Variants in SCAPER observed in about 807,000 individuals in gnomAD.
The protein encoded by SCAPER is S phase cyclin A-associated protein in the endoplasmic reticulum.
In SCAPER, 98 loss-of-function variants were observed where a neutral mutation model predicts 182.2. That is an observed-to-expected ratio of 0.54 (90% confidence interval 0.46 to 0.64). SCAPER has a LOEUF of 0.64. Ranked by LOEUF, SCAPER falls within the 30% of genes least tolerant of loss-of-function variation. The pLI is 0.00. For synonymous variants in SCAPER, 605 were observed against 564.6 expected (o/e 1.07, Z -1.01); for missense variants, 1,432 against 1,690.0 (o/e 0.85, Z 2.68).
At chr15:76,831,836 G>A (rs889850684) in intron 5 of SCAPER, among the ~76,000 whole-genome samples, 6 of 152,050 alleles carry the variant, frequency 3.9e-5, no homozygotes, top group Non-Finnish European at 8.8e-5. Flanking sequence ...CCTAGTTCCA[G>A]CCCCCCAGGG....
chr15:76,494,105 TG>T (rs2040266322), intron 24 of SCAPER, among the ~76,000 whole-genome samples: 1 of 152,208 alleles, frequency 6.6e-6, no homozygotes, highest in East Asian at 1.9e-4. Context: ...TAGTGCTTAC[TG>T]GGGGTCTATG....
chr15:76,420,256 T>TTA (rs1555429311), intron 26 of SCAPER, among the ~76,000 whole-genome samples: 9 of 140,558 alleles, frequency 6.4e-5, no homozygotes, highest in African/African-American at 2.6e-4. Context: ...TTTTTTTTTT[T>TTA]ATAGAGATGG....
At chr15:76,896,918 C>T (rs991366688) in intron 1 of SCAPER, among the ~76,000 whole-genome samples, 5 of 152,028 alleles carry the variant, frequency 3.3e-5, no homozygotes, top group African/African-American at 1.2e-4. Context: ...TGCACTCCAG[C>T]CTGGGTGACA....
intron 25 of SCAPER, among the ~76,000 whole-genome samples, chr15:76,455,238 T>C (rs1437350030): frequency 6.6e-6 from 1 of 152,200 alleles, no homozygotes; most frequent in Non-Finnish European, 1.5e-5. Context: ...AGTTGACAAA[T>C]AAAAATTGTA....
At chr15:76,809,961 C>A (rs554526073) in intron 5 of SCAPER, among the ~76,000 whole-genome samples, 113 of 152,160 alleles carry the variant, frequency 7.4e-4, no homozygotes, top group Non-Finnish European at 1.4e-3. Flanking sequence ...ATTCAAAGTA[C>A]TGAACGAAAA....
At chr15:76,784,744 C>G (rs12594460) in intron 8 of SCAPER, among the ~76,000 whole-genome samples, 57,974 of 151,970 alleles carry the variant, frequency 0.38, 13,059 homozygotes, top group Middle Eastern at 0.53. Context: ...CATCTACAAC[C>G]ATCTGACCTT....
At chr15:76,520,478 A>G (rs753302739) in intron 23 of SCAPER, among the ~76,000 whole-genome samples, 1 of 152,140 alleles carries the variant, frequency 6.6e-6, no homozygotes, top group South Asian at 2.1e-4. Context: ...TTGACCTCCC[A>G]AAGTCCTGGG....
chr15:76,476,595 ATTTTTTTTTTTTTTTT>A (rs5813839), intron 24 of SCAPER, among the ~76,000 whole-genome samples: 3 of 73,498 alleles, frequency 4.1e-5, no homozygotes, highest in Non-Finnish European at 7.1e-5. Context: ...CACCCAGCTA[ATTTTTTTTTTTTTTTT>A]TTTTTTTTTT....
chr15:76,900,102 G>A (rs1301623434), intron 1 of SCAPER, among the ~76,000 whole-genome samples: 6 of 152,138 alleles, frequency 3.9e-5, no homozygotes, highest in Non-Finnish European at 7.4e-5. Flanking sequence ...ATTAAGGGCG[G>A]CGCAAGATGT....
chr15:76,366,743 A>G (rs1010991848), intron 29 of SCAPER, among the ~76,000 whole-genome samples: 1 of 152,154 alleles, frequency 6.6e-6, no homozygotes, highest in Non-Finnish European at 1.5e-5. Context: ...TCCCACTTCT[A>G]TAGCCCAAGG....
At chr15:76,858,928 G>T (rs1451354735) in intron 3 of SCAPER, among the ~76,000 whole-genome samples, 1 of 152,134 alleles carries the variant, frequency 6.6e-6, no homozygotes, top group Non-Finnish European at 1.5e-5. Context: ...GTGCTGTGAT[G>T]AACATACACA....
chr15:76,697,595 G>A (rs2058718612), intron 20 of SCAPER, among the ~76,000 whole-genome samples: 1 of 151,726 alleles, frequency 6.6e-6, no homozygotes, highest in Non-Finnish European at 1.5e-5. Flanking sequence ...AGTTTTTTTT[G>A]TAAATTAAAT....
At chr15:76,797,070 T>C (rs1032542795) in intron 7 of SCAPER, 6 of 152,094 alleles carry the variant, frequency 3.9e-5, no homozygotes, top group African/African-American at 1.4e-4. Context: ...GTATAAGACA[T>C]TGCAAATGTA....
At chr15:76,797,518 T>C (rs1279273169) in intron 7 of SCAPER, 1 of 152,156 alleles carries the variant, frequency 6.6e-6, no homozygotes, top group African/African-American at 2.4e-5. Context: ...AGGAAATATT[T>C]GAGAGGACCC....
At chr15:76,487,474 C>A (rs1434651029) in intron 24 of SCAPER, among the ~76,000 whole-genome samples, 1 of 152,050 alleles carries the variant, frequency 6.6e-6, no homozygotes, top group African/African-American at 2.4e-5. Context: ...TTTGTCAACC[C>A]CACAGAACTA....
At chr15:76,685,199 C>G (rs1485336821) in intron 20 of SCAPER, among the ~76,000 whole-genome samples, 1 of 151,686 alleles carries the variant, frequency 6.6e-6, no homozygotes, top group African/African-American at 2.4e-5. Flanking sequence ...TATTACACAC[C>G]TAAAGCAAAC....
chr15:76,479,780 A>C (rs2143012851), intron 24 of SCAPER, among the ~76,000 whole-genome samples: 1 of 152,360 alleles, frequency 6.6e-6, no homozygotes, highest in East Asian at 1.9e-4. Context: ...CTTAAAAAAA[A>C]ACACACACTG....
At chr15:76,880,936 C>G (rs1359589769) in intron 2 of SCAPER, among the ~76,000 whole-genome samples, 1 of 152,046 alleles carries the variant, frequency 6.6e-6, no homozygotes, top group Admixed American at 6.6e-5. Context: ...AAAACTGGAA[C>G]CCTTGTGCAC....
intron 20 of SCAPER, among the ~76,000 whole-genome samples, chr15:76,680,277 T>C (rs910941934): frequency 1.3e-5 from 2 of 151,818 alleles, no homozygotes; most frequent in African/African-American, 2.4e-5. Context: ...AAAAGTAGAA[T>C]GACAGAAAAT....
Sources: gnomAD v4.1 joint callset for allele counts (sites outside exome capture counted in the v4.1 genomes callset) on GRCh38, gnomAD v4.1.1 for gene constraint, MANE v1.5 for transcripts, NCBI Gene and HGNC (gene_info 2026-07-23, HGNC 2026-07-21) for gene names.